Variants in GPC5 observed in about 807,000 individuals in gnomAD.
GPC5 encodes the protein glypican 5, also known as glypican-5.
GPC5 carries 47 observed loss-of-function variants against 53.9 expected under a neutral mutation model. The observed-to-expected ratio is 0.87, with a 90% CI of 0.69 to 1.11. The LOEUF (loss-of-function observed/expected upper bound fraction) is 1.11. Ranked by LOEUF, GPC5 falls within the 50% of genes most tolerant of loss-of-function variation. GPC5 has a pLI of 0.00. For missense variants in GPC5, 748 were observed against 713.1 expected, an observed-to-expected ratio of 1.05 and a Z score of -0.56; for synonymous variants, 286 against 263.3, an observed-to-expected ratio of 1.09 and a Z score of -0.84.
intron 5 of GPC5, among the ~76,000 whole-genome samples, chr13:91,850,647 T>C (rs1381833291): frequency 6.6e-6 from 1 of 152,128 alleles, no homozygotes; most frequent in Non-Finnish European, 1.5e-5. Context: ...TAGAATTAGG[T>C]CCTCTTCCTT....
intron 5 of GPC5, among the ~76,000 whole-genome samples, chr13:91,805,311 G>T (rs2038202879): frequency 6.6e-6 from 1 of 152,114 alleles, no homozygotes; most frequent in Admixed American, 6.6e-5. Flanking sequence ...TAAAAATATG[G>T]CTAAAGAAGC....
chr13:92,513,423 T>C (rs1880649425), intron 7 of GPC5, among the ~76,000 whole-genome samples: 1 of 152,036 alleles, frequency 6.6e-6, no homozygotes, highest in African/African-American at 2.4e-5. Flanking sequence ...AAACTTCTGT[T>C]CCTGTGTATT....
intron 2 of GPC5, among the ~76,000 whole-genome samples, chr13:91,466,221 C>T (rs535768472): frequency 1.1e-4 from 17 of 152,252 alleles, no homozygotes; most frequent in African/African-American, 3.9e-4. Flanking sequence ...AGAAAATTAG[C>T]GTAAAAGTGC....
intron 7 of GPC5, among the ~76,000 whole-genome samples, chr13:92,864,724 G>A (rs1879287304): frequency 6.6e-6 from 1 of 151,980 alleles, no homozygotes; most frequent in African/African-American, 2.4e-5. Context: ...TAATGACACA[G>A]AAGGGCAAAA....
chr13:91,886,918 T>C (rs946912177), intron 5 of GPC5, among the ~76,000 whole-genome samples: 67 of 152,260 alleles, frequency 4.4e-4, no homozygotes, highest in Middle Eastern at 6.8e-3. Flanking sequence ...TGTAAGCTGT[T>C]GGTGGATCTA....
chr13:91,445,146 C>T (rs766504651), intron 1 of GPC5, among the ~76,000 whole-genome samples: 9 of 151,980 alleles, frequency 5.9e-5, no homozygotes, highest in Non-Finnish European at 1.3e-4. Flanking sequence ...CTCAGCATAT[C>T]GTTATTTTTT....
intron 7 of GPC5, among the ~76,000 whole-genome samples, chr13:92,752,840 C>A (rs1003284375): frequency 4.6e-5 from 7 of 152,146 alleles, no homozygotes; most frequent in African/African-American, 1.7e-4. Context: ...GAGGGACCTA[C>A]GCCCAGGGAG....
At chr13:91,511,075 C>T (rs1336472968) in intron 2 of GPC5, among the ~76,000 whole-genome samples, 2 of 152,002 alleles carry the variant, frequency 1.3e-5, no homozygotes, top group Non-Finnish European at 2.9e-5. Flanking sequence ...TTAAAAATAA[C>T]ATTTTATCTA....
chr13:91,712,046 G>A (rs2036237258), intron 3 of GPC5, among the ~76,000 whole-genome samples: 1 of 152,088 alleles, frequency 6.6e-6, no homozygotes, highest in South Asian at 2.1e-4. Context: ...ATTTTTTGCA[G>A]GTGCAGCAAT....
At chr13:92,763,024 T>C (rs143349037) in intron 7 of GPC5, among the ~76,000 whole-genome samples, 1 of 152,292 alleles carries the variant, frequency 6.6e-6, no homozygotes, top group East Asian at 1.9e-4. Flanking sequence ...TCTGATATTG[T>C]TGAATTGTCT....
At chr13:92,398,982 T>C (rs1875429300) in intron 7 of GPC5, among the ~76,000 whole-genome samples, 1 of 152,164 alleles carries the variant, frequency 6.6e-6, no homozygotes, top group South Asian at 2.1e-4. Flanking sequence ...ACCTCTCCCA[T>C]TCTTTACTTC....
intron 6 of GPC5, among the ~76,000 whole-genome samples, chr13:92,063,942 CT>C (rs1409876749): frequency 6.6e-6 from 1 of 152,080 alleles, no homozygotes; most frequent in Non-Finnish European, 1.5e-5. Flanking sequence ...ACAAGTGACA[CT>C]TTTGTTCAAA....
At chr13:92,514,011 TA>T (rs1367503526) in intron 7 of GPC5, among the ~76,000 whole-genome samples, 1 of 152,046 alleles carries the variant, frequency 6.6e-6, no homozygotes. Context: ...CCTTTGAATG[TA>T]GATCAACTAG....
chr13:92,385,737 A>G (rs1169047211), intron 7 of GPC5, among the ~76,000 whole-genome samples: 2 of 144,066 alleles, frequency 1.4e-5, no homozygotes, highest in South Asian at 4.3e-4. Flanking sequence ...ACATGTATAT[A>G]TACGTATATA....
At chr13:92,395,869 C>T (rs2139329705) in intron 7 of GPC5, among the ~76,000 whole-genome samples, 1 of 148,702 alleles carries the variant, frequency 6.7e-6, no homozygotes, top group South Asian at 2.1e-4. Context: ...TTTTGGTTTT[C>T]TGCAGTTTGA....
intron 5 of GPC5, among the ~76,000 whole-genome samples, chr13:91,817,723 T>C (rs1404943966): frequency 6.6e-6 from 1 of 152,192 alleles, no homozygotes; most frequent in East Asian, 1.9e-4. Context: ...TCTGGAAGCA[T>C]TTAATCAAAC....
chr13:92,023,062 G>A (rs1040448877), intron 6 of GPC5, among the ~76,000 whole-genome samples: 3 of 151,958 alleles, frequency 2.0e-5, no homozygotes, highest in Non-Finnish European at 4.4e-5. Context: ...AACTCTCTCA[G>A]TGCCTATTAT....
At chr13:92,159,891 C>T (rs754563419) in intron 7 of GPC5, among the ~76,000 whole-genome samples, 1 of 149,288 alleles carries the variant, frequency 6.7e-6, no homozygotes, top group Admixed American at 6.7e-5. Context: ...AGTGAGCCAC[C>T]GAGCCCGGTC....
chr13:91,459,868 C>A (rs1241965226), intron 2 of GPC5, among the ~76,000 whole-genome samples: 1 of 152,026 alleles, frequency 6.6e-6, no homozygotes, highest in East Asian at 1.9e-4. Context: ...ATTCACAATT[C>A]TACACAACAA....
Sources: allele counts gnomAD v4.1 joint callset (sites outside exome capture counted in the v4.1 genomes callset), GRCh38; gene constraint gnomAD v4.1.1; transcripts MANE v1.5; gene names NCBI Gene and HGNC (gene_info 2026-07-23, HGNC 2026-07-21).